Variants in SIRPG observed in about 807,000 individuals in gnomAD.
The protein encoded by SIRPG is signal-regulatory protein gamma.
A neutral mutation model predicts 35.7 loss-of-function variants in SIRPG; 38 were observed. The ratio of observed to expected loss-of-function variants is 1.06; its 90% CI spans 0.82 to 1.40. SIRPG has a LOEUF of 1.40. Among genes scored for constraint, SIRPG ranks in the 40% most tolerant of loss-of-function variants. SIRPG has a pLI of 0.00. For missense variants in SIRPG, 519 were observed against 483.0 expected (o/e 1.07, Z -0.70); for synonymous variants, 215 against 190.4 (o/e 1.13, Z -1.06).
intron 2 of SIRPG, among the ~76,000 whole-genome samples, chr20:1,641,032 C>T (rs1299205777): frequency 6.6e-6 from 1 of 152,046 alleles, no homozygotes; most frequent in Non-Finnish European, 1.5e-5. Context: ...TGAGGATTTT[C>T]ACTTTGATGT....
Position 1,657,702 on chromosome 20 carries a change from C to A in SIRPG, c.13G>T (p.Ala5Ser), listed in dbSNP as rs6074959. 1.1e-5 allele frequency: 18 copies of A among 1,614,036 alleles called. 1 individual carries two copies. In the South Asian group the frequency reaches 1.9e-4, roughly 17 times the overall value. The change falls in exon 1 of 6, where the codon GCC becomes TCC. Residue 5 changes from alanine (A) to serine (S), a missense_variant. Ala to Ser is a moderately conservative substitution (Grantham distance 99). Coordinates refer to ENST00000303415, the MANE Select transcript of SIRPG (RefSeq NM_018556.4). ...GGACCAGGAGGATGGGGCCAGGAGGCTGGGACAGGCATTTTGGAGACCTCA... is the reference window on the plus strand; with the variant it reads ...GGACCAGGAGGATGGGGCCAGGAGGATGGGACAGGCATTTTGGAGACCTCA... MPVP[A>S]SWPHPPGPFL...
the SIRPG span, among the ~76,000 whole-genome samples, chr20:1,668,194 T>TTTC: frequency 1.7e-5 from 2 of 117,648 alleles, no homozygotes; most frequent in East Asian, 2.1e-4. Flanking sequence ...TTTCTTTTTC[T>TTTC]TTTCTTTTCT....
At chr20:1,665,987 G>A in the SIRPG span, among the ~76,000 whole-genome samples, 1 of 152,142 alleles carries the variant, frequency 6.6e-6, no homozygotes, top group Admixed American at 6.5e-5. Context: ...GACAGCTCTA[G>A]GCGGGTTATG....
At chr20:1,673,245 C>G in the SIRPG span, among the ~76,000 whole-genome samples, 3 of 152,156 alleles carry the variant, frequency 2.0e-5, no homozygotes, top group Non-Finnish European at 4.4e-5. Flanking sequence ...AGGATGTAAT[C>G]AATTTCCATT....
At chr20:1,655,708 T>C (rs1305072172) in intron 1 of SIRPG, among the ~76,000 whole-genome samples, 5 of 152,202 alleles carry the variant, frequency 3.3e-5, no homozygotes, top group African/African-American at 1.2e-4. Context: ...ATATGTAAGG[T>C]AATGCATATG....
chr20:1,681,307 G>A, the SIRPG span, among the ~76,000 whole-genome samples: 4 of 152,194 alleles, frequency 2.6e-5, no homozygotes, highest in African/African-American at 9.7e-5. Context: ...TTTGGGAAGA[G>A]TAATGGTGAA....
chr20:1,657,660 G>C lies in SIRPG; in HGVS notation c.55C>G (p.Leu19Val), dbSNP rs752193069. The change falls in exon 1 of 6, where the codon CTA (leucine) becomes GTA (valine). Residue 19 changes from leucine (L) to valine (V), a missense_variant. Transcript: ENST00000303415. ...TGCTCACCTGTAAGTCCCAGCAGTA[G>C]AGTCAGAAGCAGGAAAGGACCAGGA... ...HPPGPFLLLT[L>V]LLGLTEVAGE... The C allele has an allele frequency of 6.2e-7, 1 of 1,614,096 alleles. No homozygotes were observed. Among genetic ancestry groups the C allele is most frequent in the African/African-American group, 1.3e-5 (1 of 74,936 alleles).
the SIRPG span, chr20:1,665,491 C>G: frequency 6.6e-6 from 1 of 152,288 alleles, no homozygotes; most frequent in African/African-American, 2.4e-5. Context: ...CAACAAGGCT[C>G]CAAAACTTTT....
At chr20:1,684,909 C>T in the SIRPG span, among the ~76,000 whole-genome samples, 1 of 152,194 alleles carries the variant, frequency 6.6e-6, no homozygotes, top group East Asian at 1.9e-4. Context: ...ACTGTGTCTA[C>T]CTTGTAGGAA....
the SIRPG span, among the ~76,000 whole-genome samples, chr20:1,667,265 G>A: frequency 4.6e-5 from 7 of 152,156 alleles, no homozygotes; most frequent in Non-Finnish European, 8.8e-5. Context: ...GTAAAATGCT[G>A]TACCGGTTTG....
chr20:1,635,245 TA>T (rs1568724581), intron 4 of SIRPG, 21 bp downstream of exon 4: 1 of 1,557,972 alleles, frequency 6.4e-7, no homozygotes, highest in Admixed American at 2.0e-5. Context: ...AGACAAAATT[TA>T]AAAATTTTGA....
At chr20:1,657,521 A>G in intron 1 of SIRPG, 121 bp downstream of exon 1, 1 of 956,682 alleles carries the variant, frequency 1.0e-6, no homozygotes, top group South Asian at 1.4e-5. Context: ...GCTCTTGGAC[A>G]ATGTCCAGTC....
intron 2 of SIRPG, among the ~76,000 whole-genome samples, chr20:1,639,087 G>T (rs1272065322): frequency 6.6e-6 from 1 of 152,068 alleles, no homozygotes; most frequent in African/African-American, 2.4e-5. Flanking sequence ...ACATACATGT[G>T]CATGTGTCCT....
upstream of SIRPG, among the ~76,000 whole-genome samples, chr20:1,660,791 C>A (rs1410413148): frequency 6.6e-6 from 1 of 152,140 alleles, no homozygotes; most frequent in Non-Finnish European, 1.5e-5. Flanking sequence ...TAACCAGGGA[C>A]GACTTTGGGA....
intron 1 of SIRPG, among the ~76,000 whole-genome samples, chr20:1,656,335 G>A (rs2091975419): frequency 6.6e-6 from 1 of 152,174 alleles, no homozygotes; most frequent in Non-Finnish European, 1.5e-5. Context: ...TGCAAATAGA[G>A]CACAAGAGTT....
At chr20:1,676,142 T>C in the SIRPG span, among the ~76,000 whole-genome samples, 2 of 152,204 alleles carry the variant, frequency 1.3e-5, no homozygotes, top group Non-Finnish European at 1.5e-5. Flanking sequence ...CGTCTTTATC[T>C]GTAATAACTG....
chr20:1,632,132 G>A (rs1261571893), intron 4 of SIRPG, among the ~76,000 whole-genome samples: 1 of 152,152 alleles, frequency 6.6e-6, no homozygotes, highest in Non-Finnish European at 1.5e-5. Context: ...TGTGGGAGTG[G>A]ACATTTGGGT....
chr20:1,671,616 G>T, the SIRPG span, among the ~76,000 whole-genome samples: 1 of 152,198 alleles, frequency 6.6e-6, no homozygotes, highest in African/African-American at 2.4e-5. Context: ...GAAATCAGGG[G>T]TCTCACAGCC....
chr20:1,651,861 G>A (rs2091942203), intron 1 of SIRPG, among the ~76,000 whole-genome samples: 1 of 152,048 alleles, frequency 6.6e-6, no homozygotes, highest in South Asian at 2.1e-4. Flanking sequence ...CTTTCTTCAA[G>A]AGCACAGGAT....
Sources: gnomAD v4.1 joint callset for allele counts (sites outside exome capture counted in the v4.1 genomes callset) on GRCh38, gnomAD v4.1.1 for gene constraint, MANE v1.5 for transcripts, NCBI Gene and HGNC (gene_info 2026-07-23, HGNC 2026-07-21) for gene names.